Variants in SLC7A8 observed in about 807,000 individuals in gnomAD.
SLC7A8 encodes the protein solute carrier family 7 member 8.
A neutral mutation model predicts 51.2 loss-of-function variants in SLC7A8; 30 were observed. The observed-to-expected ratio is 0.59, with a 90% CI of 0.44 to 0.80. The LOEUF (loss-of-function observed/expected upper bound fraction) is 0.80. Among genes scored for constraint, SLC7A8 ranks in the 30% least tolerant of loss-of-function variants. SLC7A8 has a pLI of 0.00. For missense variants in SLC7A8, 612 were observed against 674.4 expected, an observed-to-expected ratio of 0.91 and a Z score of 1.03; for synonymous variants, 257 against 275.8, an observed-to-expected ratio of 0.93 and a Z score of 0.67.
intron 1 of SLC7A8, among the ~76,000 whole-genome samples, chr14:23,175,400 G>T (rs1183011965): frequency 6.6e-6 from 1 of 152,146 alleles, no homozygotes; most frequent in Non-Finnish European, 1.5e-5. Context: ...GTAGAGATGG[G>T]GTTTCACCAT....
chr14:23,159,915 A>T (rs2048912922), intron 3 of SLC7A8, among the ~76,000 whole-genome samples: 1 of 152,232 alleles, frequency 6.6e-6, no homozygotes, highest in African/African-American at 2.4e-5. Context: ...TGAGAGATGC[A>T]TACAGGATAT....
chr14:23,156,780 C>T (rs1239480499), intron 3 of SLC7A8, among the ~76,000 whole-genome samples: 1 of 152,172 alleles, frequency 6.6e-6, no homozygotes, highest in Admixed American at 6.5e-5. Flanking sequence ...ACTGTTCTTC[C>T]AATCAGAAGT....
intron 3 of SLC7A8, among the ~76,000 whole-genome samples, chr14:23,163,245 CACGACCTCT>C: frequency 6.6e-6 from 1 of 152,222 alleles, no homozygotes; most frequent in South Asian, 2.1e-4. Flanking sequence ...TCCTTGTGAC[CACGACCTCT>C]TGAGGCAGCT....
At chr14:23,134,711 C>T (rs1324128253) in intron 7 of SLC7A8, among the ~76,000 whole-genome samples, 4 of 151,956 alleles carry the variant, frequency 2.6e-5, no homozygotes, top group Non-Finnish European at 5.9e-5. Flanking sequence ...GTACATATCA[C>T]CGTGCTCAGT....
intron 7 of SLC7A8, among the ~76,000 whole-genome samples, chr14:23,137,396 G>A (rs1385696551): frequency 6.6e-6 from 1 of 152,194 alleles, no homozygotes; most frequent in East Asian, 1.9e-4. Context: ...CTGTTGAGCA[G>A]GGAGGAGCTC....
chr14:23,130,469 A>G (rs577285119), intron 8 of SLC7A8, among the ~76,000 whole-genome samples: 193 of 152,338 alleles, frequency 1.3e-3, no homozygotes, highest in African/African-American at 4.4e-3. Flanking sequence ...GTGAAGGTCA[A>G]CAAAAGGTTC....
At chr14:23,145,874 G>T (rs1230281893) in intron 3 of SLC7A8, among the ~76,000 whole-genome samples, 2 of 152,212 alleles carry the variant, frequency 1.3e-5, no homozygotes, top group Non-Finnish European at 2.9e-5. Context: ...ATGATGTCAT[G>T]CAAGGAGAAG....
chr14:23,172,104 T>C lies in SLC7A8; in HGVS notation c.152-5564A>G, dbSNP rs140357771. 3.9e-5 allele frequency among the ~76,000 whole-genome samples: 6 copies of C among 152,320 alleles called. No individual in the cohort carries two copies. The East Asian group carries it at 1.2e-3, about 29-fold the overall frequency. The stretch of plus-strand genomic sequence containing the variant: ...AGTAATTGTTCCTGCCCTGCCTACC[T>C]CAACAGGGTTGTTGTGGGGAATCAA... On this transcript the variant is annotated intron_variant, in intron 1 of 10. Coordinates refer to ENST00000316902, the MANE Select transcript of SLC7A8 (RefSeq NM_012244.4).
In SLC7A8 at chr14:23,128,061, C is replaced by T; in HGVS notation, c.1399G>A (p.Val467Ile). ...CACTTGGGCTTGTGTTGCCAGTAAA[C>T]ACCCAGGAAATAGACAGGCACTCCT... ...LTGVPVYFLG[V>I]YWQHKPKCFS... The change falls in exon 10 of 11, where the codon GTT becomes ATT. Residue 467 changes from valine to isoleucine, a missense_variant. Val to Ile is a conservative substitution (Grantham distance 29). Transcript: ENST00000316902. This position sits in a 1 kb window ranked among gnomAD's most constrained non-coding sequence, Gnocchi z 4.3. 1.2e-6 allele frequency: 2 copies of T among 1,614,190 alleles called. No homozygotes were observed. The highest frequency in any genetic ancestry group is 1.7e-6 in the Non-Finnish European group (2 of 1,180,016).
intron 7 of SLC7A8, among the ~76,000 whole-genome samples, chr14:23,135,365 T>G (rs1362991150): frequency 6.6e-6 from 1 of 151,270 alleles, no homozygotes; most frequent in Admixed American, 6.6e-5. Flanking sequence ...CTGGGGATTA[T>G]AGGTGTGAGC....
At chr14:23,173,716 A>C (rs1020924479) in intron 1 of SLC7A8, among the ~76,000 whole-genome samples, 3 of 151,966 alleles carry the variant, frequency 2.0e-5, no homozygotes, top group Non-Finnish European at 4.4e-5. Flanking sequence ...ATCACAGCTC[A>C]CTGCAACCTC....
At chr14:23,134,425 A>G (rs1479998766) in intron 7 of SLC7A8, among the ~76,000 whole-genome samples, 14 of 111,724 alleles carry the variant, frequency 1.3e-4, no homozygotes, top group Non-Finnish European at 1.7e-5. Context: ...TGACAAAGTG[A>G]GACCCTGTCT....
chr14:23,145,586 T>C (rs2048787489), intron 3 of SLC7A8, among the ~76,000 whole-genome samples: 2 of 151,724 alleles, frequency 1.3e-5, no homozygotes, highest in African/African-American at 4.8e-5. Context: ...GTAAATGTTT[T>C]CATGTTTTTA....
chr14:23,139,846 C>G (rs1202480738), intron 5 of SLC7A8, among the ~76,000 whole-genome samples: 1 of 151,928 alleles, frequency 6.6e-6, no homozygotes, highest in Non-Finnish European at 1.5e-5. Context: ...CTCTTCTTTA[C>G]AAATTAAAAA....
intron 1 of SLC7A8, 131 bp from the exon 2 acceptor site, chr14:23,166,671 G>T: frequency 1.1e-6 from 1 of 898,992 alleles, no homozygotes; most frequent in Non-Finnish European, 1.7e-6. Context: ...TGATCTGCAG[G>T]CAGGTGTGCC....
chr14:23,142,932 T>C (rs1327053494), intron 4 of SLC7A8, 147 bp downstream of exon 4: 5 of 1,103,886 alleles, frequency 4.5e-6, no homozygotes, highest in African/African-American at 1.6e-5. Flanking sequence ...TTCCCTTTTG[T>C]CAAGCAAGGG....
At position 23,166,355 on chromosome 14, in the gene SLC7A8, T is replaced by G. The variant is rs779769349; in HGVS notation, c.337A>C (p.Ile113Leu). The G allele has an allele frequency of 1.9e-6, 3 of 1,613,824 alleles. No homozygotes were observed. Among genetic ancestry groups the G allele is most frequent in the Non-Finnish European group, 2.5e-6 (3 of 1,180,038 alleles). The change falls in exon 2 of 11, where the codon ATC becomes CTC. Residue 113 changes from isoleucine to leucine, a missense_variant. Transcript: ENST00000316902. The stretch of plus-strand genomic sequence containing the variant: ...TCTTACCCAGCCAGTCCTCCGAAGA[T>G]GTCCTTGACATAGGAGTAGTCACCT... ...SGGDYSYVKD[I>L]FGGLAGFLRL...
At chr14:23,156,011 T>A (rs186490176) in intron 3 of SLC7A8, among the ~76,000 whole-genome samples, 12 of 152,132 alleles carry the variant, frequency 7.9e-5, no homozygotes, top group Admixed American at 3.3e-4. Flanking sequence ...TTCTTTTTTT[T>A]TTTTGAGATG....
Position 23,166,487 on chromosome 14 carries a change from C to CA in SLC7A8, c.204dup (p.Ala69CysfsTer27), listed in dbSNP as rs1566372071. 7.4e-6 allele frequency: 12 copies of CA among 1,614,192 alleles called. No individual in the cohort carries two copies. Among genetic ancestry groups the CA allele is most frequent in the Admixed American group, 1.7e-5 (1 of 60,024 alleles). On this transcript the variant is annotated frameshift_variant, in exon 2 of 11. Coordinates refer to ENST00000316902, the MANE Select transcript of SLC7A8 (RefSeq NM_012244.4). LOFTEE classifies it high-confidence loss of function. ...ATGAGAGCAAGGCCCACAGAACCAG[C>CA]ATTCTCCAGCACTCCCTTTGGCGAG...
Sources: gnomAD v4.1 joint callset for allele counts (sites outside exome capture counted in the v4.1 genomes callset) on GRCh38, gnomAD v4.1.1 for gene constraint, Gnocchi (gnomAD v3.1) non-coding constraint, MANE v1.5 for transcripts, NCBI Gene and HGNC (gene_info 2026-07-23, HGNC 2026-07-21) for gene names.